RYR2: variants seen among roughly 807,000 people sequenced by gnomAD.
RYR2 encodes ryanodine receptor 2.
In RYR2, 227 loss-of-function variants were observed where a neutral mutation model predicts 601.1. That is an observed-to-expected ratio of 0.38 (90% CI 0.34 to 0.42). RYR2 has a LOEUF of 0.42. Among genes scored for constraint, RYR2 ranks in the 10% least tolerant of loss-of-function variants. The pLI, the probability that RYR2 is intolerant of heterozygous loss-of-function variation, is 1.00. For missense variants in RYR2, 4,646 were observed against 6,156.5 expected, an observed-to-expected ratio of 0.75 and a Z score of 8.21; for synonymous variants, 2,223 against 2,175.1, an observed-to-expected ratio of 1.02 and a Z score of -0.61.
At chr1:237,499,796 T>G (rs1032939985) in intron 20 of RYR2, among the ~76,000 whole-genome samples, 1 of 152,224 alleles carries the variant, frequency 6.6e-6, no homozygotes, top group Non-Finnish European at 1.5e-5. Context: ...AAAGTCTATT[T>G]TTGTCTTTGC....
At chr1:237,475,289 A>C (rs1171073418) in intron 17 of RYR2, among the ~76,000 whole-genome samples, 1 of 152,176 alleles carries the variant, frequency 6.6e-6, no homozygotes, top group African/African-American at 2.4e-5. Context: ...TTATGAATGG[A>C]AATTAAAATA....
chr1:237,557,926 A>G lies in RYR2; in HGVS notation c.3214+7235A>G, dbSNP rs142670642. Among the ~76,000 whole-genome samples, 6 of 152,300 alleles carry G rather than the reference A, an allele frequency of 3.9e-5. No individual in the cohort carries two copies. The East Asian group carries it at 1.2e-3, about 29-fold the overall frequency. On this transcript the variant is annotated intron_variant, in intron 27 of 104. Transcript: ENST00000366574. ...GCATGTGAGACAACTCAACACATAT[A>G]CCAGGATTCAATTACATATATAAGT...
At chr1:237,352,540 A>C (rs1658343857) in intron 3 of RYR2, among the ~76,000 whole-genome samples, 1 of 152,174 alleles carries the variant, frequency 6.6e-6, no homozygotes, top group Non-Finnish European at 1.5e-5. Context: ...CAGGTAGATC[A>C]ATGCAATCTC....
intron 27 of RYR2, among the ~76,000 whole-genome samples, chr1:237,552,270 G>A (rs1263302384): frequency 2.0e-5 from 3 of 151,986 alleles, no homozygotes; most frequent in Non-Finnish European, 4.4e-5. Flanking sequence ...CCAAAAAATG[G>A]CAATCAAAGA....
intron 87 of RYR2, among the ~76,000 whole-genome samples, chr1:237,776,359 C>T (rs1694657610): frequency 6.6e-6 from 1 of 152,180 alleles, no homozygotes; most frequent in African/African-American, 2.4e-5. Flanking sequence ...TTAAAATAAC[C>T]TGATTCCTTC....
intron 1 of RYR2, among the ~76,000 whole-genome samples, chr1:237,221,708 G>A (rs1683819057): frequency 6.6e-6 from 1 of 152,022 alleles, no homozygotes; most frequent in African/African-American, 2.4e-5. Context: ...TGTTTAGAGT[G>A]CTTGTATTCT....
chr1:237,259,575 C>G (rs1011452036), intron 1 of RYR2, among the ~76,000 whole-genome samples: 3 of 148,104 alleles, frequency 2.0e-5, no homozygotes, highest in African/African-American at 7.4e-5. Flanking sequence ...TTGTATAAAA[C>G]CACACACACA....
chr1:237,627,115 A>G (rs368844007), intron 40 of RYR2, among the ~76,000 whole-genome samples: 7 of 152,310 alleles, frequency 4.6e-5, no homozygotes, highest in East Asian at 3.9e-4. Flanking sequence ...ATCGTGCATA[A>G]ATTGGTCACC....
chr1:237,772,744 G>A (rs968733100), intron 86 of RYR2, among the ~76,000 whole-genome samples: 1 of 149,998 alleles, frequency 6.7e-6, no homozygotes, highest in African/African-American at 2.5e-5. Flanking sequence ...CTTAATCTTT[G>A]AGTGTGTAAA....
At chr1:237,685,516 T>C (rs1312675254) in intron 62 of RYR2, among the ~76,000 whole-genome samples, 23 of 152,242 alleles carry the variant, frequency 1.5e-4, no homozygotes. Context: ...GCATTATAAA[T>C]TCTGGATCAT....
At chr1:237,494,716 C>G (rs565688882) in intron 19 of RYR2, among the ~76,000 whole-genome samples, 1 of 152,336 alleles carries the variant, frequency 6.6e-6, no homozygotes, top group African/African-American at 2.4e-5. Flanking sequence ...CATACTGTAT[C>G]TAGCAGCTAG....
chr1:237,330,651 G>C (rs910829180), intron 2 of RYR2, among the ~76,000 whole-genome samples: 4 of 152,218 alleles, frequency 2.6e-5, no homozygotes, highest in Admixed American at 2.6e-4. Flanking sequence ...GCCTCCCAGA[G>C]TGCTGGGATT....
chr1:237,442,141 T>C (rs1707962585), intron 13 of RYR2, among the ~76,000 whole-genome samples: 1 of 152,226 alleles, frequency 6.6e-6, no homozygotes, highest in East Asian at 1.9e-4. Context: ...GCATTAGCTT[T>C]GCAGAATTAT....
intron 77 of RYR2, 29 bp from the exon 78 acceptor site, chr1:237,732,017 G>A: frequency 2.1e-6 from 3 of 1,428,338 alleles, no homozygotes; most frequent in Non-Finnish European, 9.8e-7. Flanking sequence ...TTTTTAATGT[G>A]ACATTTTATA....
At chr1:237,100,081 A>C (rs911106313) in intron 1 of RYR2, among the ~76,000 whole-genome samples, 2 of 152,166 alleles carry the variant, frequency 1.3e-5, no homozygotes, top group Non-Finnish European at 2.9e-5. Flanking sequence ...TAGGTTAGAA[A>C]TGGGTTAGCT....
intron 61 of RYR2, among the ~76,000 whole-genome samples, chr1:237,679,717 T>C (rs1186979773): frequency 6.6e-6 from 1 of 152,192 alleles, no homozygotes; most frequent in African/African-American, 2.4e-5. Context: ...AATGATGTTA[T>C]CAGAGCTCAG....
intron 1 of RYR2, among the ~76,000 whole-genome samples, chr1:237,228,337 C>A (rs674446): frequency 0.25 from 38,095 of 152,084 alleles, 5,521 homozygotes; most frequent in South Asian, 0.36. Context: ...TGTATTCCAT[C>A]ATATATATAT....
rs1340446563 is a variant in RYR2 at position 237,566,556 on chromosome 1, C to A, written c.3215-11C>A. 1 of 1,611,462 alleles carries A rather than the reference C, an allele frequency of 6.2e-7. No individual in the cohort carries two copies. Among genetic ancestry groups the A allele is most frequent in the Admixed American group, 1.7e-5 (1 of 59,928 alleles). ...TCCAATGACCACCAGAAATCTCTGT[C>A]CATTTCCCAGCAGCCAGAGCCGAAG... On this transcript the variant is annotated splice_polypyrimidine_tract_variant and intron_variant, in intron 27 of 104. Transcript: ENST00000366574.
At chr1:237,731,069 TTAATC>T (rs1690635621) in intron 77 of RYR2, among the ~76,000 whole-genome samples, 1 of 152,328 alleles carries the variant, frequency 6.6e-6, no homozygotes, top group South Asian at 2.1e-4. Flanking sequence ...AATGGATAAA[TTAATC>T]TAATTCTTAA....
Sources: allele counts gnomAD v4.1 joint callset (sites outside exome capture counted in the v4.1 genomes callset), GRCh38; gene constraint gnomAD v4.1.1; transcripts MANE v1.5; gene names NCBI Gene and HGNC (gene_info 2026-07-23, HGNC 2026-07-21).